ARMC3: variants seen among roughly 807,000 people sequenced by gnomAD.
ARMC3 encodes the protein armadillo repeat containing 3.
Under a neutral mutation model 90.3 loss-of-function variants are expected in ARMC3, and 74 were observed. That is an observed-to-expected ratio of 0.82 (90% CI 0.68 to 0.99). The LOEUF is 0.99. Among genes scored for constraint, ARMC3 ranks in the 50% least tolerant of loss-of-function variants. The pLI is 0.00. For missense variants in ARMC3, 958 were observed against 1,042.8 expected (o/e 0.92, Z 1.12); for synonymous variants, 334 against 361.8 (o/e 0.92, Z 0.87).
chr10:22,973,444 A>C (rs1053975654), intron 8 of ARMC3, among the ~76,000 whole-genome samples: 1 of 151,104 alleles, frequency 6.6e-6, no homozygotes, highest in African/African-American at 2.4e-5. Flanking sequence ...GTTCTATTAA[A>C]TCTTGGAAAG....
chr10:23,009,944 T>C (rs1000005073), intron 16 of ARMC3, among the ~76,000 whole-genome samples: 1 of 152,170 alleles, frequency 6.6e-6, no homozygotes, highest in Non-Finnish European at 1.5e-5. Flanking sequence ...AGACCCCTGC[T>C]TTCCAAGGAG....
At chr10:22,954,231 T>C (rs1156259374) in intron 3 of ARMC3, among the ~76,000 whole-genome samples, 1 of 152,258 alleles carries the variant, frequency 6.6e-6, no homozygotes, top group Non-Finnish European at 1.5e-5. Context: ...TATTCAGTTT[T>C]AGAAATTATA....
chr10:22,994,806 TAGTC>T (rs1458511295), intron 10 of ARMC3, among the ~76,000 whole-genome samples: 6 of 152,100 alleles, frequency 3.9e-5, no homozygotes, highest in African/African-American at 1.2e-4. Flanking sequence ...AGGAGGAAAA[TAGTC>T]AGGACTTGCT....
chr10:22,937,296 C>T (rs1003964710), intron 2 of ARMC3, among the ~76,000 whole-genome samples: 5 of 152,132 alleles, frequency 3.3e-5, no homozygotes, highest in African/African-American at 1.2e-4. Flanking sequence ...AATGTATTTT[C>T]GTATACTCTA....
At chr10:22,998,954 G>T (rs1301393466) in intron 11 of ARMC3, among the ~76,000 whole-genome samples, 1 of 152,280 alleles carries the variant, frequency 6.6e-6, no homozygotes, top group African/African-American at 2.4e-5. Flanking sequence ...GAAAATTGAG[G>T]GAATGCTGAA....
At chr10:23,024,454 A>C (rs1421610984) in intron 16 of ARMC3, among the ~76,000 whole-genome samples, 1 of 152,104 alleles carries the variant, frequency 6.6e-6, no homozygotes, top group Non-Finnish European at 1.5e-5. Flanking sequence ...GCAGTAGACT[A>C]TCCATTTCCT....
At chr10:22,949,035 G>A (rs1834641455) in intron 3 of ARMC3, among the ~76,000 whole-genome samples, 1 of 152,148 alleles carries the variant, frequency 6.6e-6, no homozygotes, top group Admixed American at 6.6e-5. Context: ...CAGAATTCAT[G>A]GAGCATTGTG....
intron 2 of ARMC3, 88 bp downstream of exon 2, chr10:22,932,132 A>G: frequency 1.8e-6 from 2 of 1,103,580 alleles, no homozygotes; most frequent in Non-Finnish European, 2.6e-6. Flanking sequence ...ACCAGTATAT[A>G]CATGAATACG....
At chr10:23,018,808 G>A (rs916606926) in intron 16 of ARMC3, among the ~76,000 whole-genome samples, 1 of 152,204 alleles carries the variant, frequency 6.6e-6, no homozygotes, top group African/African-American at 2.4e-5. Context: ...GAGCCACCAT[G>A]CCTGGCCGCA....
At chr10:22,954,444 T>G (rs1439187622) in intron 3 of ARMC3, among the ~76,000 whole-genome samples, 4 of 151,616 alleles carry the variant, frequency 2.6e-5, no homozygotes, top group African/African-American at 7.3e-5. Context: ...GGAGGATCAC[T>G]TGAGCCCAGG....
At chr10:22,983,545 T>G (rs1836282483) in intron 10 of ARMC3, among the ~76,000 whole-genome samples, 1 of 152,232 alleles carries the variant, frequency 6.6e-6, no homozygotes, top group Non-Finnish European at 1.5e-5. Flanking sequence ...CCATTCTGTT[T>G]TTTTTAAATT....
intron 7 of ARMC3, among the ~76,000 whole-genome samples, chr10:22,966,073 C>T (rs137874904): frequency 2.6e-5 from 4 of 152,298 alleles, no homozygotes; most frequent in African/African-American, 9.6e-5. Context: ...TCTGTTGTGT[C>T]CTTCTGAGGA....
At chr10:23,006,100 C>T (rs561555893) in intron 13 of ARMC3, among the ~76,000 whole-genome samples, 1 of 152,236 alleles carries the variant, frequency 6.6e-6, no homozygotes, top group African/African-American at 2.4e-5. Context: ...CTGGGCAAAT[C>T]TGGGGTTGTT....
intron 7 of ARMC3, among the ~76,000 whole-genome samples, chr10:22,963,592 A>C (rs1332325001): frequency 1.3e-5 from 2 of 152,132 alleles, no homozygotes; most frequent in African/African-American, 2.4e-5. Context: ...TAAATGACAC[A>C]AAAGACTAAC....
chr10:22,934,366 A>C (rs1834038641), intron 2 of ARMC3, among the ~76,000 whole-genome samples: 1 of 152,238 alleles, frequency 6.6e-6, no homozygotes, highest in African/African-American at 2.4e-5. Context: ...TAAAAGAGAC[A>C]CTAGCTAAGA....
At chr10:23,011,025 C>T (rs1396421909) in intron 16 of ARMC3, among the ~76,000 whole-genome samples, 1 of 149,052 alleles carries the variant, frequency 6.7e-6, no homozygotes, top group African/African-American at 2.5e-5. Flanking sequence ...CTCTCCTTCC[C>T]TTCCCTCCTC....
intron 2 of ARMC3, among the ~76,000 whole-genome samples, chr10:22,943,041 C>A (rs565443659): frequency 1.3e-5 from 2 of 152,228 alleles, no homozygotes; most frequent in South Asian, 4.1e-4. Flanking sequence ...TAATGGTTAT[C>A]TCTCATGGGG....
chr10:22,945,043 C>T (rs10828379), intron 2 of ARMC3, among the ~76,000 whole-genome samples: 60,686 of 152,028 alleles, frequency 0.4, 14,556 homozygotes, highest in African/African-American at 0.68. Context: ...TAGACAATGC[C>T]GTTCTAAAAT....
intron 16 of ARMC3, among the ~76,000 whole-genome samples, chr10:23,021,234 T>C (rs921470658): frequency 6.6e-6 from 1 of 152,246 alleles, no homozygotes. Flanking sequence ...TCTAGGTAGA[T>C]GCCGTGTATT....
Sources: gnomAD v4.1 joint callset for allele counts (sites outside exome capture counted in the v4.1 genomes callset) on GRCh38, gnomAD v4.1.1 for gene constraint, MANE v1.5 for transcripts, NCBI Gene and HGNC (gene_info 2026-07-23, HGNC 2026-07-21) for gene names.